The following TENM1 variants were observed in gnomAD, a reference collection of about 807,000 sequenced individuals.
The protein encoded by TENM1 is teneurin-1.
TENM1 carries 35 observed loss-of-function variants against 174.8 expected under a neutral mutation model. The observed-to-expected ratio is 0.20, with a 90% CI of 0.15 to 0.27. The LOEUF (loss-of-function observed/expected upper bound fraction) is 0.27, where lower values mean the gene tolerates loss of function less well. Among genes scored for constraint, TENM1 ranks in the 10% least tolerant of loss-of-function variants. TENM1 has a pLI of 1.00. For synonymous variants in TENM1, 781 were observed against 798.7 expected, an observed-to-expected ratio of 0.98 and a Z score of 0.37; for missense variants, 1,633 against 2,130.1, an observed-to-expected ratio of 0.77 and a Z score of 4.59.
intron 3 of TENM1, among the ~76,000 whole-genome samples, chrX:124,786,027 A>G (rs1428823453): frequency 9.0e-6 from 1 of 111,675 alleles, no homozygotes; most frequent in Non-Finnish European, 1.9e-5. Context: ...TCCTGAATAT[A>G]ACAATAATCT....
the TENM1 span, among the ~76,000 whole-genome samples, chrX:125,017,518 C>T: frequency 7.2e-5 from 8 of 111,623 alleles, no homozygotes; most frequent in Non-Finnish European, 1.3e-4. Context: ...AATCCCATTA[C>T]GGGGTATATA....
chrX:124,384,494 C>T, exon 30 of TENM1: 5 of 1,210,333 alleles, frequency 4.1e-6, no homozygotes, highest in Non-Finnish European at 5.6e-6. Context: ...TACTCCTACC[C>T]TTATGTCACA....
chrX:124,585,322 T>C (rs1356145755), intron 11 of TENM1, among the ~76,000 whole-genome samples: 1 of 111,303 alleles, frequency 9.0e-6, no homozygotes, highest in Admixed American at 9.5e-5. Flanking sequence ...AGATCAGAAA[T>C]TATAACAAAC....
the TENM1 span, among the ~76,000 whole-genome samples, chrX:125,188,057 A>C: frequency 8.9e-6 from 1 of 112,072 alleles, no homozygotes; most frequent in Non-Finnish European, 1.9e-5. Context: ...TGGGCCACAC[A>C]GGGTGGCTCA....
chrX:124,499,600 T>C (rs1032981160), intron 19 of TENM1, among the ~76,000 whole-genome samples: 3 of 111,719 alleles, frequency 2.7e-5, no homozygotes, highest in Non-Finnish European at 5.7e-5. Context: ...GGACCTTTCT[T>C]AAGATTTAGA....
chrX:124,674,834 T>C (rs2052025155), intron 5 of TENM1, among the ~76,000 whole-genome samples: 1 of 111,270 alleles, frequency 9.0e-6, no homozygotes, highest in Admixed American at 9.6e-5. Context: ...ATATTGAAAA[T>C]GTGTTTCATT....
intron 14 of TENM1, among the ~76,000 whole-genome samples, chrX:124,552,573 C>T (rs1239514145): frequency 8.9e-6 from 1 of 111,940 alleles, no homozygotes; most frequent in African/African-American, 3.2e-5. Flanking sequence ...TTGTATGCCA[C>T]TAATGTTCAT....
chrX:124,408,406 A>T (rs1214258779), intron 25 of TENM1, among the ~76,000 whole-genome samples: 1 of 111,460 alleles, frequency 9.0e-6, no homozygotes, highest in Non-Finnish European at 1.9e-5. Flanking sequence ...AGCCTCCCAA[A>T]GTGCTGGTAT....
intron 3 of TENM1, among the ~76,000 whole-genome samples, chrX:124,767,111 C>T (rs1034011765): frequency 8.1e-5 from 9 of 111,401 alleles, no homozygotes; most frequent in Admixed American, 1.9e-4. Context: ...GCATAAGCCA[C>T]GCACATCTGT....
intron 11 of TENM1, among the ~76,000 whole-genome samples, chrX:124,579,042 C>A (rs779619935): frequency 2.7e-5 from 3 of 112,043 alleles, no homozygotes; most frequent in Non-Finnish European, 3.8e-5. Flanking sequence ...CCTCTCAGAT[C>A]ATTGAAGATA....
intron 16 of TENM1, 79 bp downstream of exon 19, chrX:124,529,785 A>G (rs868362422): frequency 4.3e-6 from 5 of 1,154,934 alleles, no homozygotes; most frequent in Non-Finnish European, 5.9e-6. Context: ...CCATCACTGT[A>G]TCATCTGAGC....
At chrX:124,403,520 C>CCA (rs773078826) in intron 27 of TENM1, among the ~76,000 whole-genome samples, 1 of 76,156 alleles carries the variant, frequency 1.3e-5, no homozygotes, top group Admixed American at 1.6e-4. Flanking sequence ...ACTCTTGTCT[C>CCA]AAAAAAAAAA....
the TENM1 span, among the ~76,000 whole-genome samples, chrX:125,185,779 A>T: frequency 5.3e-5 from 6 of 112,190 alleles, no homozygotes; most frequent in African/African-American, 1.9e-4. Context: ...TCCTTATATG[A>T]ACGAATGGAA....
At chrX:124,560,589 T>A (rs1365999026) in intron 14 of TENM1, among the ~76,000 whole-genome samples, 2 of 110,697 alleles carry the variant, frequency 1.8e-5, no homozygotes, top group Non-Finnish European at 3.8e-5. Flanking sequence ...TCCACTTAAT[T>A]TTGATAAGGT....
intron 5 of TENM1, among the ~76,000 whole-genome samples, chrX:124,684,639 C>A (rs2052316952): frequency 9.0e-6 from 1 of 111,130 alleles, no homozygotes; most frequent in Non-Finnish European, 1.9e-5. Context: ...CCCTGTGGCT[C>A]CAGGCTTTAG....
At chrX:124,591,034 G>T (rs1215113502) in intron 11 of TENM1, among the ~76,000 whole-genome samples, 1 of 111,818 alleles carries the variant, frequency 8.9e-6, no homozygotes, top group Admixed American at 9.5e-5. Context: ...TGTTTTATCT[G>T]ATATAAGAAT....
Position 124,894,284 on chromosome X carries a change from G to A in TENM1, c.535+12C>T, listed in dbSNP as rs759972940. 3.4e-5 allele frequency: 40 copies of A among 1,189,227 alleles called. 1 individual carries two copies. The South Asian group carries it at 6.4e-4, about 19-fold the overall frequency. ...AAAAATAATTTGTGATCAAATATTT[G>A]AAAACACTTGCCTTGAGTAGACCCA... is the stretch of plus-strand genomic sequence containing the variant. On this transcript the variant is annotated intron_variant, in intron 3 of 31. Transcript: ENST00000422452.
At chrX:125,139,425 C>T in the TENM1 span, among the ~76,000 whole-genome samples, 2 of 111,416 alleles carry the variant, frequency 1.8e-5, no homozygotes, top group Admixed American at 1.9e-4. Flanking sequence ...GCTACCACCA[C>T]ATCTGCTGAT....
chrX:125,084,096 T>C, the TENM1 span, among the ~76,000 whole-genome samples: 1 of 110,822 alleles, frequency 9.0e-6, no homozygotes, highest in African/African-American at 3.3e-5. Context: ...AGGTAGATCT[T>C]TTCAATACCC....
Sources: allele counts gnomAD v4.1 joint callset (sites outside exome capture counted in the v4.1 genomes callset), GRCh38; gene constraint gnomAD v4.1.1; transcripts MANE v1.5; gene names NCBI Gene and HGNC (gene_info 2026-07-23, HGNC 2026-07-21).